ZNF470: variants seen among roughly 807,000 people sequenced by gnomAD.
The protein encoded by ZNF470 is chondrogenesis zinc finger protein 1.
A neutral mutation model predicts 13.9 loss-of-function variants in ZNF470; 13 were observed. The observed-to-expected ratio is 0.94, with a 90% CI of 0.61 to 1.49. The LOEUF (loss-of-function observed/expected upper bound fraction) is 1.49, where lower values mean the gene tolerates loss of function less well. Ranked by LOEUF, ZNF470 falls within the 40% of genes most tolerant of loss-of-function variation. The pLI is 0.00. For synonymous variants in ZNF470, 293 were observed against 282.9 expected, an observed-to-expected ratio of 1.04 and a Z score of -0.36; for missense variants, 929 against 857.3, an observed-to-expected ratio of 1.08 and a Z score of -1.04.
chr19:56,581,088 TA>T lies in ZNF470; in HGVS notation c.*2508del. On this transcript the variant is annotated 3_prime_UTR_variant, in exon 6 of 6. Transcript: ENST00000330619. ...GGTGGAAAACATCATAGTCAATAGA[TA>T]AATGAGAGACTGACACAAAGTGTTT... 5 of 982,160 alleles carry T rather than the reference TA, an allele frequency of 5.1e-6. No individual in the cohort carries two copies. Among genetic ancestry groups the T allele is most frequent in the Non-Finnish European group, 6.0e-6 (5 of 827,012 alleles). The allele number at this position is 982,160 out of a possible 1,614,324, so 60.8% of individuals were successfully genotyped here.
In ZNF470 at chr19:56,577,298, G is replaced by A; in HGVS notation, c.869G>A (p.Gly290Glu). The change falls in exon 6 of 6, where the codon GGG (glycine) becomes GAG (glutamate). Residue 290 changes from glycine to glutamate, a missense_variant. Gly to Glu is a moderately conservative substitution (Grantham distance 98). Transcript: ENST00000330619. ...GEKPFECTEC[G>E]KAFSQNAHLV... Reference sequence around the variant, plus strand: ...AAACCTTTTGAATGTACTGAATGTGGGAAAGCCTTCAGCCAGAATGCTCAT... The same window carrying A: ...AAACCTTTTGAATGTACTGAATGTGAGAAAGCCTTCAGCCAGAATGCTCAT... 6.2e-7 allele frequency: 1 copy of A among 1,613,612 alleles called. No homozygotes were observed. The highest frequency in any genetic ancestry group is 8.5e-7 in the Non-Finnish European group (1 of 1,179,766).
Position 56,581,813 on chromosome 19 carries a change from C to A in ZNF470, c.*3230C>A, listed in dbSNP as rs963506139. 3.0e-6 allele frequency: 3 copies of A among 985,192 alleles called. No individual in the cohort carries two copies. In the African/African-American group the frequency reaches 5.2e-5, roughly 17 times the overall value. 61.0% of individuals were successfully genotyped at this position (985,192 alleles called of 1,614,324 possible). The stretch of plus-strand genomic sequence containing the variant: ...TACCATATGTTTTTGATGGACGTGG[C>A]CAATAAAATTGTCTCTGAATTTCAA... On this transcript the variant is annotated 3_prime_UTR_variant, in exon 6 of 6. Transcript: ENST00000330619.
chr19:56,580,531 A>G lies in ZNF470; in HGVS notation c.*1948A>G, dbSNP rs985533786. 21 of 152,098 alleles carry G rather than the reference A, an allele frequency of 1.4e-4. No homozygotes were observed. Among genetic ancestry groups the G allele is most frequent in the African/African-American group, 5.1e-4 (21 of 41,364 alleles). The allele number at this position is 152,098 out of a possible 1,614,324, so 9.4% of individuals were successfully genotyped here. ...CAACCATCACCACCATCAATTTTAGAACATTTTCATCACCTCAAAGAGGAA... is the reference window on the plus strand; with the variant it reads ...CAACCATCACCACCATCAATTTTAGGACATTTTCATCACCTCAAAGAGGAA... On this transcript the variant is annotated 3_prime_UTR_variant, in exon 6 of 6. Transcript: ENST00000330619.
At chr19:56,576,622 C>T (rs2044490127) in intron 5 of ZNF470, 91 bp from the exon 6 acceptor site, 1 of 1,105,566 alleles carries the variant, frequency 9.0e-7, no homozygotes, top group African/African-American at 1.6e-5. Context: ...TTGTGGGTTT[C>T]AATAACTATG....
At chr19:56,574,571 G>A (rs2044476367) in intron 4 of ZNF470, 51 bp downstream of exon 4, 1 of 1,611,574 alleles carries the variant, frequency 6.2e-7, no homozygotes, top group Non-Finnish European at 8.5e-7. Flanking sequence ...AGTCTTTTAT[G>A]CCATTATCAG....
chr19:56,578,458 T>A lies in ZNF470; in HGVS notation c.2029T>A (p.Tyr677Asn), dbSNP rs768321279. 2 of 1,612,838 alleles carry A rather than the reference T, an allele frequency of 1.2e-6. No homozygotes were observed. Among genetic ancestry groups the A allele is most frequent in the Admixed American group, 3.3e-5 (2 of 59,818 alleles). ...GAGAATTCATACTGGAGAAAGGCCCTATGAGTGTAAAGAATGTGGAAAAGC... is the reference window on the plus strand; with the variant it reads ...GAGAATTCATACTGGAGAAAGGCCCAATGAGTGTAAAGAATGTGGAAAAGC... ...HKRIHTGERP[Y>N]ECKECGKAFR... Residue 677 changes from tyrosine to asparagine, a missense_variant, in exon 6 of 6, where the codon TAT (tyrosine) becomes AAT (asparagine). By Grantham distance (143) the Tyr-to-Asn change is moderately radical (BLOSUM62 -2). Transcript: ENST00000330619.
At position 56,580,904 on chromosome 19, in the gene ZNF470, A is replaced by G; in HGVS notation, c.*2321A>G. On this transcript the variant is annotated 3_prime_UTR_variant, in exon 6 of 6. Transcript: ENST00000330619. ...GGGAAACTTAGCTCACTGGAAAAAC[A>G]GATCTGTACCTTTCACACTAATGAA... The G allele has an allele frequency of 2.0e-6, 2 of 985,326 alleles. No homozygotes were observed. Among genetic ancestry groups the G allele is most frequent in the Non-Finnish European group, 2.4e-6 (2 of 829,840 alleles). The allele number at this position is 985,326 out of a possible 1,614,324, so 61.0% of individuals were successfully genotyped here. A position where few individuals can be genotyped will look rare whatever the true frequency, so the allele number is the denominator to read the frequency against.
At position 56,580,268 on chromosome 19, in the gene ZNF470, G is replaced by C; in HGVS notation, c.*1685G>C. The C allele has an allele frequency of 1.8e-6, 1 of 541,328 alleles. No individual in the cohort carries two copies. The highest frequency in any genetic ancestry group is 2.4e-6 in the Non-Finnish European group (1 of 425,306). 33.5% of individuals were successfully genotyped at this position (541,328 alleles called of 1,614,324 possible). A position where few individuals can be genotyped will look rare whatever the true frequency, so the allele number is the denominator to read the frequency against. ...TATTGTTTATGATGCTTTGAGTGTT[G>C]GAGGAAGGGAGGATTGATGGTTTAA... On this transcript the variant is annotated 3_prime_UTR_variant, in exon 6 of 6. Coordinates refer to ENST00000330619, the MANE Select transcript of ZNF470 (RefSeq NM_001001668.4).
Position 56,578,095 on chromosome 19 carries a change from CAG to C in ZNF470, c.1671_1672del (p.Arg557SerfsTer5), listed in dbSNP as rs760188767. On this transcript the variant is annotated frameshift_variant, in exon 6 of 6. Coordinates refer to ENST00000330619, the MANE Select transcript of ZNF470 (RefSeq NM_001001668.4). LOFTEE classifies it low-confidence loss of function (END_TRUNC). ...FSQIAHLVQHQRVHTGEKPYE... is the reference protein window; with the variant it reads ...FSQIAHLVQHXRVHTGEKPYE... Reference sequence around the variant, plus strand: ...TCAGATTGCACACCTTGTTCAGCACCAGAGAGTTCATACTGGTGAGAAGCCTT... The same window carrying C: ...TCAGATTGCACACCTTGTTCAGCACCAGAGTTCATACTGGTGAGAAGCCTT... 3.0e-5 allele frequency: 49 copies of C among 1,613,776 alleles called. No homozygotes were observed. The highest frequency in any genetic ancestry group is 3.9e-5 in the Non-Finnish European group (46 of 1,179,978).
In ZNF470 at chr19:56,576,906, G is replaced by A; in HGVS notation, c.477G>A (p.Glu159=). The change falls in exon 6 of 6, where the codon GAG becomes GAA. Residue 159 remains glutamate, a synonymous_variant. Coordinates refer to ENST00000330619, the MANE Select transcript of ZNF470 (RefSeq NM_001001668.4). ...LVNQKTHFRQ[E]TITHIDTLIE... ...ACCAGAAGACACATTTTAGGCAAGA[G>A]ACCATCACTCATATAGATACTCTTA... 1 of 1,576,062 alleles carries A rather than the reference G, an allele frequency of 6.3e-7. No homozygotes were observed. The highest frequency in any genetic ancestry group is 8.6e-7 in the Non-Finnish European group (1 of 1,167,844).
chr19:56,581,730 GCCT>G lies in ZNF470; in HGVS notation c.*3154_*3156del. 1.0e-6 allele frequency: 1 copy of G among 985,326 alleles called. No individual in the cohort carries two copies. The highest frequency in any genetic ancestry group is 1.2e-6 in the Non-Finnish European group (1 of 829,930). The allele number at this position is 985,326 out of a possible 1,614,324, so 61.0% of individuals were successfully genotyped here. On this transcript the variant is annotated 3_prime_UTR_variant, in exon 6 of 6. Coordinates refer to ENST00000330619, the MANE Select transcript of ZNF470 (RefSeq NM_001001668.4). ...TGTTTTTCTCTGCCCAGTTTCCCTTGCCTCCTCCTTTTGGCTGCACTATCTCAT... is the reference window on the plus strand; with the variant it reads ...TGTTTTTCTCTGCCCAGTTTCCCTTGCCTCCTTTTGGCTGCACTATCTCAT...
At position 56,580,229 on chromosome 19, in the gene ZNF470, A is replaced by C. The variant is rs2044525330; in HGVS notation, c.*1646A>C. The C allele has an allele frequency of 1.1e-6, 1 of 877,310 alleles. No individual in the cohort carries two copies. Among genetic ancestry groups the C allele is most frequent in the African/African-American group, 1.8e-5 (1 of 54,580 alleles). 54.3% of individuals were successfully genotyped at this position (877,310 alleles called of 1,614,324 possible). A position where few individuals can be genotyped will look rare whatever the true frequency, so the allele number is the denominator to read the frequency against. On this transcript the variant is annotated 3_prime_UTR_variant, in exon 6 of 6. Coordinates refer to ENST00000330619, the MANE Select transcript of ZNF470 (RefSeq NM_001001668.4). ...AAGGCATAATGAAAATAGTCATGATAGTCCCAAGGCAGATATTGTTTATGA... is the reference window on the plus strand; with the variant it reads ...AAGGCATAATGAAAATAGTCATGATCGTCCCAAGGCAGATATTGTTTATGA...
In ZNF470 at chr19:56,580,912, A is replaced by G; in HGVS notation, c.*2329A>G. On this transcript the variant is annotated 3_prime_UTR_variant, in exon 6 of 6. Transcript: ENST00000330619. ...TAGCTCACTGGAAAAACAGATCTGTACCTTTCACACTAATGAAATGCCTGA... is the reference window on the plus strand; with the variant it reads ...TAGCTCACTGGAAAAACAGATCTGTGCCTTTCACACTAATGAAATGCCTGA... 1 of 985,246 alleles carries G rather than the reference A, an allele frequency of 1.0e-6. No individual in the cohort carries two copies. The highest frequency in any genetic ancestry group is 1.2e-6 in the Non-Finnish European group (1 of 829,790). 61.0% of individuals were successfully genotyped at this position (985,246 alleles called of 1,614,324 possible).
In ZNF470 at chr19:56,580,313, G is replaced by T. The variant is rs1416700323; in HGVS notation, c.*1730G>T. On this transcript the variant is annotated 3_prime_UTR_variant, in exon 6 of 6. Coordinates refer to ENST00000330619, the MANE Select transcript of ZNF470 (RefSeq NM_001001668.4). ...GTTTAACAGAGATCATGGCAGTTAT[G>T]TTCACTCATATAAATGTTGATTTAG... 3.6e-6 allele frequency: 1 copy of T among 279,446 alleles called. No individual in the cohort carries two copies. Among genetic ancestry groups the T allele is most frequent in the Non-Finnish European group, 5.4e-6 (1 of 185,240 alleles). The allele number at this position is 279,446 out of a possible 1,614,324, so 17.3% of individuals were successfully genotyped here. A position where few individuals can be genotyped will look rare whatever the true frequency, so the allele number is the denominator to read the frequency against.
In ZNF470 at chr19:56,574,394, G is replaced by T; in HGVS notation, c.61G>T (p.Gly21Cys). The change falls in exon 4 of 6, where the codon GGT (glycine) becomes TGT (cysteine). Residue 21 changes from glycine (G) to cysteine (C), a missense_variant and splice_region_variant. By Grantham distance (159) the Gly-to-Cys change is radical. Coordinates refer to ENST00000330619, the MANE Select transcript of ZNF470 (RefSeq NM_001001668.4). ...CAAGATCATATTTGTGTCATTTTAG[G>T]GTTCAGTGACTTTCACAGATGTGGC... The part of the protein sequence containing the change: ...GIKLCKAMSL[G>C]SVTFTDVAID... 1 of 1,613,646 alleles carries T rather than the reference G, an allele frequency of 6.2e-7. No homozygotes were observed. The highest frequency in any genetic ancestry group is 8.5e-7 in the Non-Finnish European group (1 of 1,179,662).
Position 56,581,253 on chromosome 19 carries a change from A to G in ZNF470, c.*2670A>G, listed in dbSNP as rs1474599491. On this transcript the variant is annotated 3_prime_UTR_variant, in exon 6 of 6. Transcript: ENST00000330619. ...AAAAGCAGTTAATGAAAATTATCCA[A>G]TATCACTAGAAATCAAGAAATGCAA... The G allele has an allele frequency of 3.2e-6, 2 of 618,062 alleles. No individual in the cohort carries two copies. The highest frequency in any genetic ancestry group is 6.3e-5 in the Admixed American group (1 of 15,814). The allele number at this position is 618,062 out of a possible 1,614,324, so 38.3% of individuals were successfully genotyped here.
rs531676053 is a variant in ZNF470 at position 56,571,249 on chromosome 19, C to G, written c.60+878C>G. Among the ~76,000 whole-genome samples, 10 of 152,280 alleles carry G rather than the reference C, an allele frequency of 6.6e-5. No homozygotes were observed. The South Asian group carries it at 1.7e-3, about 25-fold the overall frequency. ...ATACCATAATCTGTTTAGTCAGTCCCTTGTTGTTCCGTAGGTAAATTGTTG... is the reference window on the plus strand; with the variant it reads ...ATACCATAATCTGTTTAGTCAGTCCGTTGTTGTTCCGTAGGTAAATTGTTG... On this transcript the variant is annotated intron_variant, in intron 3 of 5. Coordinates refer to ENST00000330619, the MANE Select transcript of ZNF470 (RefSeq NM_001001668.4).
rs1004685633 is a variant in ZNF470 at position 56,580,153 on chromosome 19, A to T, written c.*1570A>T. ...TCAGGCACCTTACTATCCCCAGAAC[A>T]TGTTGGTATTAGAGGATGAGGGAAG... is the stretch of plus-strand genomic sequence containing the variant. On this transcript the variant is annotated 3_prime_UTR_variant, in exon 6 of 6. Transcript: ENST00000330619. The T allele has an allele frequency of 2.3e-5, 23 of 984,568 alleles. No individual in the cohort carries two copies. The highest frequency in any genetic ancestry group is 2.8e-5 in the Non-Finnish European group (23 of 829,528). 61.0% of individuals were successfully genotyped at this position (984,568 alleles called of 1,614,324 possible). A position where few individuals can be genotyped will look rare whatever the true frequency, so the allele number is the denominator to read the frequency against.
intron 1 of ZNF470, among the ~76,000 whole-genome samples, chr19:56,568,547 T>TG (rs1482368243): frequency 1.8e-4 from 27 of 152,098 alleles, no homozygotes; most frequent in Admixed American, 5.9e-4. Context: ...CCCTCCCCTC[T>TG]GGCCTCCCAC....
Sources: gnomAD v4.1 joint callset for allele counts (sites outside exome capture counted in the v4.1 genomes callset) on GRCh38, gnomAD v4.1.1 for gene constraint, MANE v1.5 for transcripts, NCBI Gene and HGNC (gene_info 2026-07-23, HGNC 2026-07-21) for gene names.